ASCC1: variants seen among roughly 807,000 people sequenced by gnomAD.
ASCC1 encodes the protein ASC-1 complex subunit P50.
ASCC1 carries 35 observed loss-of-function variants against 46.6 expected under a neutral mutation model. The ratio of observed to expected loss-of-function variants is 0.75; its 90% CI spans 0.57 to 0.99. The LOEUF (loss-of-function observed/expected upper bound fraction) is 0.99, where lower values mean the gene tolerates loss of function less well. ASCC1 is among the 50% of genes least tolerant of loss of function. The pLI is 0.00. For synonymous variants in ASCC1, 143 were observed against 146.6 expected (o/e 0.98, Z 0.18); for missense variants, 376 against 428.7 (o/e 0.88, Z 1.09).
At chr10:72,172,712 TATATA>T in intron 5 of ASCC1, among the ~76,000 whole-genome samples, 1 of 139,266 alleles carries the variant, frequency 7.2e-6, no homozygotes, top group African/African-American at 2.6e-5. Context: ...ATATATATTA[TATATA>T]ATATTTTTAT....
intron 6 of ASCC1, among the ~76,000 whole-genome samples, chr10:72,158,723 TC>T (rs2132648836): frequency 6.6e-6 from 1 of 152,338 alleles, no homozygotes; most frequent in South Asian, 2.1e-4. Context: ...ATTTCAATAC[TC>T]CCATTTTAAA....
chr10:72,174,330 G>A (rs1196168906), intron 5 of ASCC1, among the ~76,000 whole-genome samples: 1 of 151,812 alleles, frequency 6.6e-6, no homozygotes, highest in Non-Finnish European at 1.5e-5. Context: ...ACTATCAGTA[G>A]GAACAATTAA....
In ASCC1 at chr10:72,097,256, CT is replaced by C. The variant is rs777149274; in HGVS notation, c.*77del. 1 of 1,011,306 alleles carries C rather than the reference CT, an allele frequency of 9.9e-7. No individual in the cohort carries two copies. Among genetic ancestry groups the C allele is most frequent in the South Asian group, 1.3e-5 (1 of 78,662 alleles). 62.6% of individuals were successfully genotyped at this position (1,011,306 alleles called of 1,614,324 possible). On this transcript the variant is annotated 3_prime_UTR_variant, in exon 10 of 10. Coordinates refer to ENST00000672957, the MANE Select transcript of ASCC1 (RefSeq NM_001198800.3). ...CACCATCCAAATGTCCACATCCCTG[CT>C]TGGCAATTAAAACGAAGACACTTTT... is the stretch of plus-strand genomic sequence containing the variant.
intron 9 of ASCC1, among the ~76,000 whole-genome samples, chr10:72,103,635 T>C (rs530479811): frequency 6.6e-6 from 1 of 150,800 alleles, no homozygotes; most frequent in East Asian, 1.9e-4. Context: ...ATAAAACCTA[T>C]GAAGACCTAT....
intron 3 of ASCC1, among the ~76,000 whole-genome samples, 196 bp from the exon 4 acceptor site, chr10:72,203,720 T>C (rs981129455): frequency 2.6e-5 from 4 of 152,180 alleles, no homozygotes; most frequent in Non-Finnish European, 5.9e-5. Context: ...CAAAGATGAG[T>C]TTTTGGCCCT....
intron 2 of ASCC1, chr10:72,212,142 A>T (rs1858231507): frequency 6.3e-6 from 1 of 159,404 alleles, no homozygotes; most frequent in African/African-American, 2.5e-5. Context: ...CCAAATCACT[A>T]TCTCAACTAA....
chr10:72,159,864 A>G (rs1346696072), intron 6 of ASCC1, among the ~76,000 whole-genome samples: 1 of 152,076 alleles, frequency 6.6e-6, no homozygotes, highest in Non-Finnish European at 1.5e-5. Context: ...TTAGTTGAAA[A>G]AGATAACTGG....
chr10:72,200,924 T>A (rs998943979), intron 4 of ASCC1, among the ~76,000 whole-genome samples: 3 of 152,074 alleles, frequency 2.0e-5, no homozygotes, highest in East Asian at 1.9e-4. Context: ...GTTAAATTAA[T>A]CAGAATTCAG....
At chr10:72,193,746 T>C (rs946015313) in intron 5 of ASCC1, among the ~76,000 whole-genome samples, 1 of 152,092 alleles carries the variant, frequency 6.6e-6, no homozygotes, top group Non-Finnish European at 1.5e-5. Flanking sequence ...ATTGGCTAAA[T>C]AGGGGTTTAA....
chr10:72,114,623 CAAA>C (rs34531262), intron 9 of ASCC1, among the ~76,000 whole-genome samples: 5 of 94,494 alleles, frequency 5.3e-5, no homozygotes, highest in Middle Eastern at 5.4e-3. Context: ...GACTCCGTCT[CAAA>C]AAAAAAAAAA....
chr10:72,186,556 A>G (rs530605496), intron 5 of ASCC1, among the ~76,000 whole-genome samples: 43 of 152,256 alleles, frequency 2.8e-4, no homozygotes, highest in African/African-American at 1.0e-3. Flanking sequence ...ACTCACATAA[A>G]TTGAGGTAAT....
At position 72,157,711 on chromosome 10, in the gene ASCC1, T is replaced by C. The variant is rs1849150974; in HGVS notation, c.626+3827A>G. On this transcript the variant is annotated intron_variant, in intron 6 of 9. Coordinates refer to ENST00000672957, the MANE Select transcript of ASCC1 (RefSeq NM_001198800.3). ...GAGTGTACTTAACACTACTGAACTATGCACTTAAAATGGTTATGATGGCAA... is the reference window on the plus strand; with the variant it reads ...GAGTGTACTTAACACTACTGAACTACGCACTTAAAATGGTTATGATGGCAA... 2.0e-5 allele frequency among the ~76,000 whole-genome samples: 3 copies of C among 152,204 alleles called. No homozygotes were observed. In the South Asian group the frequency reaches 6.2e-4, roughly 32 times the overall value.
chr10:72,178,670 G>A (rs565091671), intron 5 of ASCC1, among the ~76,000 whole-genome samples: 1 of 152,124 alleles, frequency 6.6e-6, no homozygotes, highest in African/African-American at 2.4e-5. Flanking sequence ...CCAGCCCACT[G>A]GGTCTTCCGA....
intron 5 of ASCC1, among the ~76,000 whole-genome samples, chr10:72,168,740 T>C (rs900729307): frequency 1.3e-5 from 2 of 151,646 alleles, no homozygotes; most frequent in Non-Finnish European, 2.9e-5. Context: ...ACACCATGAG[T>C]GAGAAAGCAC....
chr10:72,115,527 T>C (rs1843404110), intron 9 of ASCC1, among the ~76,000 whole-genome samples: 1 of 152,178 alleles, frequency 6.6e-6, no homozygotes, highest in South Asian at 2.1e-4. Context: ...GAGTGAATTT[T>C]TTAAAAAGTA....
chr10:72,124,301 A>C (rs1844581564), intron 9 of ASCC1, among the ~76,000 whole-genome samples: 1 of 152,238 alleles, frequency 6.6e-6, no homozygotes, highest in African/African-American at 2.4e-5. Flanking sequence ...TATATTTTCC[A>C]GGATTTCTAA....
intron 5 of ASCC1, among the ~76,000 whole-genome samples, chr10:72,187,290 C>T (rs1487789094): frequency 6.6e-6 from 1 of 152,218 alleles, no homozygotes; most frequent in Non-Finnish European, 1.5e-5. Context: ...TACATAAATG[C>T]AAAGTTAGTC....
intron 5 of ASCC1, among the ~76,000 whole-genome samples, chr10:72,181,814 T>C (rs11815305): frequency 0.14 from 21,520 of 151,842 alleles, 4,372 homozygotes; most frequent in African/African-American, 0.45. Context: ...GCCTCCCGAG[T>C]ACCTGGGATT....
Position 72,196,818 on chromosome 10 carries a change from C to A in ASCC1, c.482G>T (p.Cys161Phe). 1 of 1,612,700 alleles carries A rather than the reference C, an allele frequency of 6.2e-7. No individual in the cohort carries two copies. Among genetic ancestry groups the A allele is most frequent in the Non-Finnish European group, 8.5e-7 (1 of 1,179,874 alleles). Residue 161 changes from cysteine (C) to phenylalanine (F), a missense_variant, in exon 5 of 10, where the codon TGC becomes TTC. Physicochemically the swap from Cys to Phe is radical, Grantham distance 205 (BLOSUM62 -2). Transcript: ENST00000672957. ...LRFQEEVLAK[C>F]SMDHGVDSSI... is the part of the protein sequence containing the mutation. ...TGCTTTGTTTGCACTTACCATGGAG[C>A]ACTTCGCCAGTACTTCCTCCTGGAA...
Sources: gnomAD v4.1 joint callset for allele counts (sites outside exome capture counted in the v4.1 genomes callset) on GRCh38, gnomAD v4.1.1 for gene constraint, MANE v1.5 for transcripts, NCBI Gene and HGNC (gene_info 2026-07-23, HGNC 2026-07-21) for gene names.